C1orf21: variants seen among roughly 807,000 people sequenced by gnomAD.
C1orf21 encodes the protein uncharacterized protein C1orf21.
In C1orf21, 3 loss-of-function variants were observed where a neutral mutation model predicts 18.7. That is an observed-to-expected ratio of 0.16 (90% CI 0.07 to 0.42). The LOEUF (loss-of-function observed/expected upper bound fraction) is 0.42, where lower values mean the gene tolerates loss of function less well. Ranked by LOEUF, C1orf21 falls within the 10% of genes least tolerant of loss-of-function variation. C1orf21 has a pLI of 0.99. For missense variants in C1orf21, 104 were observed against 143.6 expected (o/e 0.72, Z 1.41); for synonymous variants, 41 against 46.4 (o/e 0.88, Z 0.47).
At chr1:184,488,340 A>AT (rs1295847397) in intron 2 of C1orf21, among the ~76,000 whole-genome samples, 2 of 152,148 alleles carry the variant, frequency 1.3e-5, no homozygotes, top group African/African-American at 4.8e-5. Flanking sequence ...TAACAAATAC[A>AT]TTTTTTGCTT....
intron 3 of C1orf21, among the ~76,000 whole-genome samples, chr1:184,575,622 A>G (rs1480505765): frequency 1.3e-5 from 2 of 150,278 alleles, no homozygotes; most frequent in African/African-American, 2.5e-5. Context: ...AAAAAAAAAA[A>G]AAAAAAAAAG....
At chr1:184,618,606 T>C (rs771827955) in intron 5 of C1orf21, among the ~76,000 whole-genome samples, 5 of 152,040 alleles carry the variant, frequency 3.3e-5, no homozygotes, top group Non-Finnish European at 5.9e-5. Flanking sequence ...TTGGTACTTT[T>C]AGAAATAAGT....
chr1:184,401,910 A>G (rs1408955448), intron 1 of C1orf21, among the ~76,000 whole-genome samples: 1 of 152,050 alleles, frequency 6.6e-6, no homozygotes, highest in African/African-American at 2.4e-5. Context: ...TTCTTTTTTC[A>G]TGCTAAGTTT....
chr1:184,527,687 G>T (rs1658398442), intron 3 of C1orf21, among the ~76,000 whole-genome samples: 1 of 152,174 alleles, frequency 6.6e-6, no homozygotes, highest in Non-Finnish European at 1.5e-5. Context: ...ACCTGGCTGT[G>T]AACTCAGAGA....
chr1:184,457,206 A>C (rs777672341), intron 1 of C1orf21, among the ~76,000 whole-genome samples: 1 of 152,244 alleles, frequency 6.6e-6, no homozygotes, highest in Non-Finnish European at 1.5e-5. Context: ...TGTTGAGGAC[A>C]TAGAAGTGAC....
At chr1:184,393,448 T>C (rs1656003947) in intron 1 of C1orf21, among the ~76,000 whole-genome samples, 3 of 152,226 alleles carry the variant, frequency 2.0e-5, no homozygotes, top group Non-Finnish European at 4.4e-5. Flanking sequence ...CACATGTGTT[T>C]ATAGTATTCA....
intron 1 of C1orf21, among the ~76,000 whole-genome samples, chr1:184,462,942 C>T (rs1012346042): frequency 1.3e-5 from 2 of 151,768 alleles, no homozygotes; most frequent in Admixed American, 6.6e-5. Context: ...AGTAGCTCAG[C>T]GTGGTGGCAG....
chr1:184,596,920 A>C (rs1393145408), intron 4 of C1orf21, among the ~76,000 whole-genome samples: 1 of 152,024 alleles, frequency 6.6e-6, no homozygotes, highest in Non-Finnish European at 1.5e-5. Flanking sequence ...AGAAGTGTTT[A>C]TGAGAGAGAT....
chr1:184,460,638 T>C (rs374509843), intron 1 of C1orf21, among the ~76,000 whole-genome samples: 59 of 118,562 alleles, frequency 5.0e-4, no homozygotes, highest in Non-Finnish European at 7.2e-4. Flanking sequence ...CTTCTTCTTC[T>C]TCTTCTTCTT....
At chr1:184,401,099 G>A (rs772029718) in intron 1 of C1orf21, among the ~76,000 whole-genome samples, 26 of 152,076 alleles carry the variant, frequency 1.7e-4, no homozygotes, top group Non-Finnish European at 2.5e-4. Context: ...CTGATTCTGA[G>A]CTAGTTTCAG....
At chr1:184,578,232 A>G (rs1298699152) in intron 3 of C1orf21, among the ~76,000 whole-genome samples, 1 of 152,180 alleles carries the variant, frequency 6.6e-6, no homozygotes, top group Non-Finnish European at 1.5e-5. Flanking sequence ...TTAGGATTAC[A>G]GGTGTGAGCC....
chr1:184,414,023 T>C (rs1031516493), intron 1 of C1orf21, among the ~76,000 whole-genome samples: 8 of 152,234 alleles, frequency 5.3e-5, no homozygotes, highest in African/African-American at 1.4e-4. Flanking sequence ...TATTTATGTA[T>C]ACACAGAGAG....
At chr1:184,543,511 G>T (rs968493477) in intron 3 of C1orf21, among the ~76,000 whole-genome samples, 1 of 152,142 alleles carries the variant, frequency 6.6e-6, no homozygotes, top group Admixed American at 6.5e-5. Flanking sequence ...AAGACCATTT[G>T]AAATCATCTA....
In C1orf21 at chr1:184,440,810, C is replaced by T. The variant is rs138052034; in HGVS notation, c.-124-36576C>T. On this transcript the variant is annotated intron_variant, in intron 1 of 5. Transcript: ENST00000235307. Reference sequence around the variant, plus strand: ...TATGTTAAAAAATGATTAGGAAAACCTGGCTTACCTTTTCTAATTAGAGGG... The same window carrying T: ...TATGTTAAAAAATGATTAGGAAAACTTGGCTTACCTTTTCTAATTAGAGGG... 4.1e-3 allele frequency among the ~76,000 whole-genome samples: 620 copies of T among 152,226 alleles called. 2 individuals are homozygous for T. The highest frequency in any genetic ancestry group is 0.014 in the African/African-American group (566 of 41,544).
intron 3 of C1orf21, among the ~76,000 whole-genome samples, chr1:184,558,881 G>A (rs1658914413): frequency 6.6e-6 from 1 of 152,250 alleles, no homozygotes; most frequent in South Asian, 2.1e-4. Context: ...GTCCCTGCTA[G>A]TTGTTAATAC....
At chr1:184,424,434 A>C (rs1202024315) in intron 1 of C1orf21, among the ~76,000 whole-genome samples, 3 of 152,170 alleles carry the variant, frequency 2.0e-5, no homozygotes, top group African/African-American at 7.2e-5. Flanking sequence ...CATTGTCCAG[A>C]CTTGCAAGAC....
chr1:184,507,916 G>A (rs12408251), intron 3 of C1orf21, among the ~76,000 whole-genome samples: 7 of 152,226 alleles, frequency 4.6e-5, no homozygotes, highest in South Asian at 2.1e-4. Context: ...AAAATTATTC[G>A]TGTTTTAAAA....
At chr1:184,416,656 T>C (rs1656456584) in intron 1 of C1orf21, among the ~76,000 whole-genome samples, 1 of 152,234 alleles carries the variant, frequency 6.6e-6, no homozygotes, top group African/African-American at 2.4e-5. Context: ...AAAGCAGTAT[T>C]ACTCAGCATG....
At chr1:184,591,748 G>T (rs565436136) in intron 4 of C1orf21, among the ~76,000 whole-genome samples, 1 of 151,936 alleles carries the variant, frequency 6.6e-6, no homozygotes, top group Non-Finnish European at 1.5e-5. Flanking sequence ...GGAGCTTGCA[G>T]TGAGCAGAGA....
Sources: allele counts gnomAD v4.1 joint callset (sites outside exome capture counted in the v4.1 genomes callset), GRCh38; gene constraint gnomAD v4.1.1; transcripts MANE v1.5; gene names NCBI Gene and HGNC (gene_info 2026-07-23, HGNC 2026-07-21).